The following STK32B variants were observed in gnomAD, a reference collection of about 807,000 sequenced individuals.
STK32B encodes serine/threonine kinase 32B, also known as serine/threonine-protein kinase 32B.
STK32B carries 43 observed loss-of-function variants against 52.6 expected under a neutral mutation model. The ratio of observed to expected loss-of-function variants is 0.82; its 90% CI spans 0.64 to 1.05. The LOEUF is 1.05. Ranked by LOEUF, STK32B falls within the 50% of genes least tolerant of loss-of-function variation. The pLI is 0.00. For missense variants in STK32B, 621 were observed against 534.6 expected (o/e 1.16, Z -1.59); for synonymous variants, 238 against 204.3 (o/e 1.17, Z -1.41).
At chr4:5,143,096 T>A (rs1474622152) in intron 2 of STK32B, among the ~76,000 whole-genome samples, 1 of 137,182 alleles carries the variant, frequency 7.3e-6, no homozygotes, top group Non-Finnish European at 1.6e-5. Flanking sequence ...TGTTTCTGTC[T>A]CTGTCTCTGT....
At chr4:5,265,452 C>A (rs1441991092) in intron 3 of STK32B, among the ~76,000 whole-genome samples, 1 of 152,176 alleles carries the variant, frequency 6.6e-6, no homozygotes, top group East Asian at 1.9e-4. Flanking sequence ...CGAAGCTTTG[C>A]CTGACCACTG....
chr4:5,171,999 A>C (rs973061698), intron 3 of STK32B, among the ~76,000 whole-genome samples: 8 of 151,850 alleles, frequency 5.3e-5, no homozygotes, highest in African/African-American at 1.2e-4. Flanking sequence ...AGTGGTTTGT[A>C]GTTCTCCTTG....
intron 3 of STK32B, among the ~76,000 whole-genome samples, chr4:5,174,105 C>T (rs1029789678): frequency 7.2e-5 from 11 of 152,064 alleles, no homozygotes; most frequent in African/African-American, 2.7e-4. Context: ...TCTGTTTTAT[C>T]TGAGACTAGG....
chr4:5,197,387 C>T (rs1031219399), intron 3 of STK32B, among the ~76,000 whole-genome samples: 4 of 152,168 alleles, frequency 2.6e-5, no homozygotes, highest in Non-Finnish European at 4.4e-5. Flanking sequence ...GATTGGAGTT[C>T]CTTTAGCTGC....
chr4:5,321,044 G>C (rs1731453334), intron 3 of STK32B, among the ~76,000 whole-genome samples: 1 of 152,120 alleles, frequency 6.6e-6, no homozygotes, highest in African/African-American at 2.4e-5. Flanking sequence ...GGGTCTTTGA[G>C]AGAGTACAAA....
intron 4 of STK32B, among the ~76,000 whole-genome samples, chr4:5,353,167 C>T (rs1001178713): frequency 3.3e-5 from 5 of 152,104 alleles, no homozygotes; most frequent in African/African-American, 1.2e-4. Context: ...ACAACACCCT[C>T]TTCAATAAAT....
intron 1 of STK32B, among the ~76,000 whole-genome samples, chr4:5,135,571 T>G (rs1319126749): frequency 1.3e-5 from 2 of 152,240 alleles, no homozygotes; most frequent in Non-Finnish European, 2.9e-5. Context: ...AAAATTGTTT[T>G]GTTATTTTTC....
chr4:5,496,430 A>C (rs1460039624), intron 11 of STK32B, among the ~76,000 whole-genome samples: 4 of 152,134 alleles, frequency 2.6e-5, no homozygotes, highest in African/African-American at 7.2e-5. Flanking sequence ...CCTTCGGAAA[A>C]GCGCAGTATT....
At position 5,194,387 on chromosome 4, in the gene STK32B, A is replaced by G. The variant is rs904401983; in HGVS notation, c.260+25937A>G. 3.3e-5 allele frequency among the ~76,000 whole-genome samples: 5 copies of G among 152,222 alleles called. No homozygotes were observed. The East Asian group carries it at 9.6e-4, about 29-fold the overall frequency. On this transcript the variant is annotated intron_variant, in intron 3 of 11. Transcript: ENST00000282908. ...AACAGGGTGGAAGAAATGAGGAGCCATCTGTCCTCTCATTGGGCGGAGATT... is the reference window on the plus strand; with the variant it reads ...AACAGGGTGGAAGAAATGAGGAGCCGTCTGTCCTCTCATTGGGCGGAGATT...
intron 3 of STK32B, among the ~76,000 whole-genome samples, chr4:5,225,167 C>A (rs1028584533): frequency 1.3e-5 from 2 of 151,954 alleles, no homozygotes; most frequent in African/African-American, 4.8e-5. Flanking sequence ...ACCTGTAATC[C>A]CAGCACTTTG....
intron 3 of STK32B, among the ~76,000 whole-genome samples, chr4:5,305,790 C>G (rs1200866739): frequency 6.6e-6 from 1 of 151,900 alleles, no homozygotes; most frequent in East Asian, 1.9e-4. Context: ...TGTCATGTGA[C>G]CTTAGATTGT....
At position 5,404,223 on chromosome 4, in the gene STK32B, G is replaced by A. The variant is rs1356486817; in HGVS notation, c.472+5979G>A. ...CTGGAGGCTGGAAGTTCAGGATCACGGTGTCAGCATGGCCCTGCTTCCTCT... is the reference window on the plus strand; with the variant it reads ...CTGGAGGCTGGAAGTTCAGGATCACAGTGTCAGCATGGCCCTGCTTCCTCT... On this transcript the variant is annotated intron_variant, in intron 5 of 11. Coordinates refer to ENST00000282908, the MANE Select transcript of STK32B (RefSeq NM_018401.3). Among the ~76,000 whole-genome samples, 6 of 152,082 alleles carry A rather than the reference G, an allele frequency of 3.9e-5. 1 individual carries two copies. Among genetic ancestry groups the A allele is most frequent in the Non-Finnish European group, 5.9e-5 (4 of 68,022 alleles).
intron 3 of STK32B, among the ~76,000 whole-genome samples, chr4:5,198,592 G>T (rs1038836908): frequency 6.6e-6 from 1 of 152,148 alleles, no homozygotes; most frequent in Non-Finnish European, 1.5e-5. Context: ...GGTAGAAATG[G>T]ACCCCTCTCA....
chr4:5,288,276 G>A (rs938276075), intron 3 of STK32B, among the ~76,000 whole-genome samples: 1 of 152,116 alleles, frequency 6.6e-6, no homozygotes, highest in African/African-American at 2.4e-5. Flanking sequence ...GTGAAGGATG[G>A]CATAGTAACT....
the STK32B span, among the ~76,000 whole-genome samples, chr4:5,020,251 C>T: frequency 2.0e-5 from 3 of 152,178 alleles, no homozygotes; most frequent in Non-Finnish European, 4.4e-5. Flanking sequence ...CACTTAGACG[C>T]CGTGGGTGCA....
intron 3 of STK32B, among the ~76,000 whole-genome samples, chr4:5,295,366 A>G (rs771469342): frequency 2.0e-5 from 3 of 151,942 alleles, no homozygotes; most frequent in Non-Finnish European, 2.9e-5. Context: ...TCCTTTTTAT[A>G]CCTCTGGTAT....
At chr4:5,201,550 G>C (rs970638413) in intron 3 of STK32B, among the ~76,000 whole-genome samples, 1 of 152,330 alleles carries the variant, frequency 6.6e-6, no homozygotes, top group South Asian at 2.1e-4. Flanking sequence ...GAAGCAAAGT[G>C]CTCCGGTTCA....
intron 4 of STK32B, among the ~76,000 whole-genome samples, chr4:5,344,827 T>C (rs115169964): frequency 0.017 from 2,605 of 152,194 alleles, 64 homozygotes; most frequent in African/African-American, 0.06. Flanking sequence ...CAAGGCCAAG[T>C]GCTGTGGCTT....
At chr4:5,021,497 G>T in the STK32B span, among the ~76,000 whole-genome samples, 1 of 152,174 alleles carries the variant, frequency 6.6e-6, no homozygotes, top group African/African-American at 2.4e-5. Flanking sequence ...GGCCCCAGCT[G>T]GGGACTCTAG....
Sources: allele counts gnomAD v4.1 joint callset (sites outside exome capture counted in the v4.1 genomes callset), GRCh38; gene constraint gnomAD v4.1.1; transcripts MANE v1.5; gene names NCBI Gene and HGNC (gene_info 2026-07-23, HGNC 2026-07-21).